FRMD3: variants seen among roughly 807,000 people sequenced by gnomAD.
FRMD3 encodes FERM domain-containing protein 3.
Under a neutral mutation model 70.2 loss-of-function variants are expected in FRMD3, and 33 were observed. That is an observed-to-expected ratio of 0.47 (90% CI 0.36 to 0.63). The LOEUF is 0.63. Ranked by LOEUF, FRMD3 falls within the 20% of genes least tolerant of loss-of-function variation. The pLI is 0.00. For synonymous variants in FRMD3, 279 were observed against 255.9 expected (o/e 1.09, Z -0.86); for missense variants, 632 against 711.4 (o/e 0.89, Z 1.27).
At chr9:83,300,370 G>T (rs1330356431) in intron 10 of FRMD3, among the ~76,000 whole-genome samples, 1 of 152,226 alleles carries the variant, frequency 6.6e-6, no homozygotes, top group Non-Finnish European at 1.5e-5. Context: ...CAGAGGGCCA[G>T]CAGGCGCAAA....
intron 1 of FRMD3, among the ~76,000 whole-genome samples, chr9:83,481,522 CAT>C (rs1828566649): frequency 6.6e-6 from 1 of 152,138 alleles, no homozygotes; most frequent in African/African-American, 2.4e-5. Flanking sequence ...GAACGATTAA[CAT>C]ATGATCATAT....
At chr9:83,539,400 C>T (rs536233298), upstream of FRMD3, among the ~76,000 whole-genome samples, 35 of 152,310 alleles carry the variant, frequency 2.3e-4, no homozygotes, top group Admixed American at 1.8e-3. Flanking sequence ...AATGTGAGCA[C>T]TAGAATGTCC....
chr9:83,255,174 T>C (rs1832643281), intron 13 of FRMD3, among the ~76,000 whole-genome samples: 1 of 152,146 alleles, frequency 6.6e-6, no homozygotes, highest in African/African-American at 2.4e-5. Context: ...TCGAAAGGCT[T>C]ATCCACCACA....
At chr9:83,307,741 T>A (rs928583549) in intron 10 of FRMD3, among the ~76,000 whole-genome samples, 1 of 152,202 alleles carries the variant, frequency 6.6e-6, no homozygotes, top group Non-Finnish European at 1.5e-5. Context: ...AATGGCTATA[T>A]CACTTTGTGA....
rs12346236 is a variant in FRMD3, at chr9:83,537,137, A to G, written c.147+948T>C. On this transcript the variant is annotated intron_variant, in intron 1 of 13. Coordinates refer to ENST00000304195, the MANE Select transcript of FRMD3 (RefSeq NM_174938.6). This position sits in a 1 kb window ranked among gnomAD's most constrained non-coding sequence, Gnocchi z 4.1. ...CTGGAAGAGGGGCTCCCACCTGCCT[A>G]CATATTCACCCACAGCAAATATGCA... is the stretch of plus-strand genomic sequence containing the variant. 8.1e-3 allele frequency among the ~76,000 whole-genome samples: 1,228 copies of G among 152,002 alleles called. 20 individuals are homozygous for G. The highest frequency in any genetic ancestry group is 0.028 in the African/African-American group (1,157 of 41,440).
Position 83,434,485 on chromosome 9 carries a change from C to A in FRMD3, c.148-44777G>T, listed in dbSNP as rs530188187. ...TGCACACAAAGCTCCCAGCAGCCTA[C>A]CTGGCCCATGGCACTCACAAGCCCA... On this transcript the variant is annotated intron_variant, in intron 1 of 13. Transcript: ENST00000304195. Among the ~76,000 whole-genome samples the A allele has an allele frequency of 2.0e-5, 3 of 152,336 alleles. No individual in the cohort carries two copies. The South Asian group carries it at 6.2e-4, about 32-fold the overall frequency.
intron 1 of FRMD3, among the ~76,000 whole-genome samples, chr9:83,536,929 C>CAAAAAAAAAAAAAA (rs1829904095): frequency 8.6e-5 from 4 of 46,276 alleles, no homozygotes; most frequent in African/African-American, 1.3e-4. Context: ...CTGTATTACA[C>CAAAAAAAAAAAAAA]TAAAAAAAAA....
Position 83,499,836 on chromosome 9 carries a change from T to C in FRMD3, c.147+38249A>G, listed in dbSNP as rs904228737. On this transcript the variant is annotated intron_variant, in intron 1 of 13. Transcript: ENST00000304195. ...AAGCCTTATTCATAATTGTCAAAAC[T>C]TGGAAGCAATGAAGCTGTCCTTTAA... is the stretch of plus-strand genomic sequence containing the variant. Among the ~76,000 whole-genome samples, 9 of 152,340 alleles carry C rather than the reference T, an allele frequency of 5.9e-5. 1 individual carries two copies. The highest frequency in any genetic ancestry group is 6.8e-3 in the Middle Eastern group (2 of 294).
At chr9:83,533,715 C>T (rs1157739829) in intron 1 of FRMD3, among the ~76,000 whole-genome samples, 2 of 152,102 alleles carry the variant, frequency 1.3e-5, no homozygotes, top group African/African-American at 4.8e-5. Flanking sequence ...CTGCGGTGAA[C>T]ATCAGAATGT....
intron 13 of FRMD3, among the ~76,000 whole-genome samples, chr9:83,266,591 G>A (rs149744347): frequency 1.8e-3 from 279 of 152,180 alleles, no homozygotes; most frequent in African/African-American, 6.5e-3. Context: ...GTGGTGCTCC[G>A]CCTCACCCCA....
chr9:83,560,246 G>T, the FRMD3 span, among the ~76,000 whole-genome samples: 10 of 152,178 alleles, frequency 6.6e-5, no homozygotes, highest in Non-Finnish European at 1.0e-4. Flanking sequence ...GTTGGACTTG[G>T]TAATGTGACT....
intron 1 of FRMD3, among the ~76,000 whole-genome samples, chr9:83,465,741 T>C (rs918621835): frequency 6.6e-6 from 1 of 152,200 alleles, no homozygotes; most frequent in South Asian, 2.1e-4. Flanking sequence ...GCACTGAAAT[T>C]AAATCTCTCA....
intron 1 of FRMD3, among the ~76,000 whole-genome samples, chr9:83,393,043 T>C (rs1382749416): frequency 6.6e-6 from 1 of 152,260 alleles, no homozygotes; most frequent in Non-Finnish European, 1.5e-5. Context: ...CAGGGTCTAA[T>C]ACAAAGATCA....
At chr9:83,331,940 T>C (rs918796577) in intron 6 of FRMD3, 1 of 711,802 alleles carries the variant, frequency 1.4e-6, no homozygotes, top group Non-Finnish European at 2.6e-6. Flanking sequence ...AGAAGTGCTA[T>C]GAATCACTTC....
At chr9:83,406,634 G>A (rs1826112393) in intron 1 of FRMD3, among the ~76,000 whole-genome samples, 1 of 152,150 alleles carries the variant, frequency 6.6e-6, no homozygotes, top group South Asian at 2.1e-4. Context: ...TTCAACCCAC[G>A]AGTGCTGCTC....
In FRMD3 at chr9:83,372,943, G is replaced by C; in HGVS notation, c.265C>G (p.Pro89Ala). 1.2e-6 allele frequency: 2 copies of C among 1,606,786 alleles called. No homozygotes were observed. The highest frequency in any genetic ancestry group is 1.7e-6 in the Non-Finnish European group (2 of 1,178,208). The change falls in exon 3 of 14, where the codon CCT becomes GCT. Residue 89 changes from proline (P) to alanine (A), a missense_variant. Around this residue, in one of 3 missense-constraint regions of FRMD3, gnomAD observed 208 missense variants for 247.7 expected, o/e 0.84. Coordinates refer to ENST00000304195, the MANE Select transcript of FRMD3 (RefSeq NM_174938.6). ...DPEKQRHWLE[P>A]NKSIFKQMKT... ...ATTTGCTTGAAGATGGACTTGTTAG[G>C]TTCAAGCCAGTGCTAGGGAGGAAAA...
intron 13 of FRMD3, among the ~76,000 whole-genome samples, chr9:83,287,002 C>T (rs75647809): frequency 0.03 from 4,555 of 152,244 alleles, 141 homozygotes; most frequent in African/African-American, 0.082. Context: ...AGGACCCGGA[C>T]GGTAGGAATC....
chr9:83,275,439 G>A (rs1319996081), intron 13 of FRMD3, among the ~76,000 whole-genome samples: 1 of 152,128 alleles, frequency 6.6e-6, no homozygotes, highest in Non-Finnish European at 1.5e-5. Context: ...ATAAAACAAT[G>A]ACCATGAATA....
chr9:83,532,180 G>A (rs1285787270), intron 1 of FRMD3, among the ~76,000 whole-genome samples: 1 of 152,140 alleles, frequency 6.6e-6, no homozygotes, highest in Non-Finnish European at 1.5e-5. Flanking sequence ...AGGAAACTGA[G>A]GCCCAATGAG....
Sources: gnomAD v4.1 joint callset for allele counts (sites outside exome capture counted in the v4.1 genomes callset) on GRCh38, gnomAD v4.1.1 for gene constraint, gnomAD v4.1.1 regional missense constraint, Gnocchi (gnomAD v3.1) non-coding constraint, MANE v1.5 for transcripts, NCBI Gene and HGNC (gene_info 2026-07-23, HGNC 2026-07-21) for gene names.